KSR2: variants seen among roughly 807,000 people sequenced by gnomAD.
The protein encoded by KSR2 is kinase suppressor of ras 2.
Under a neutral mutation model 107.8 loss-of-function variants are expected in KSR2, and 25 were observed. That is an observed-to-expected ratio of 0.23 (90% CI 0.17 to 0.32). KSR2 has a LOEUF of 0.32. KSR2 is among the 10% of genes least tolerant of loss of function. KSR2 has a pLI of 1.00. For synonymous variants in KSR2, 480 were observed against 507.0 expected (o/e 0.95, Z 0.71); for missense variants, 887 against 1,268.9 (o/e 0.70, Z 4.57).
At chr12:117,657,446 T>G (rs146079395) in intron 5 of KSR2, among the ~76,000 whole-genome samples, 65 of 152,226 alleles carry the variant, frequency 4.3e-4, no homozygotes, top group Non-Finnish European at 7.6e-4. Flanking sequence ...AACACTTAGG[T>G]TGGGTTACCT....
At chr12:117,816,386 GCAGAGA>G (rs1891369695) in intron 3 of KSR2, among the ~76,000 whole-genome samples, 1 of 152,158 alleles carries the variant, frequency 6.6e-6, no homozygotes, top group Non-Finnish European at 1.5e-5. Flanking sequence ...CTATCATGGT[GCAGAGA>G]CAAACTATCC....
intron 12 of KSR2, 65 bp downstream of exon 12, chr12:117,530,876 G>T: frequency 1.5e-6 from 2 of 1,377,252 alleles, no homozygotes; most frequent in Non-Finnish European, 1.0e-6. Flanking sequence ...TAGGGAACCT[G>T]AGTGGATTGT....
chr12:117,886,975 ATGCAG>A (rs1296881689), intron 1 of KSR2, among the ~76,000 whole-genome samples: 1 of 152,132 alleles, frequency 6.6e-6, no homozygotes, highest in Non-Finnish European at 1.5e-5. Context: ...CAAGGCTGGA[ATGCAG>A]TGGTGTGATT....
intron 3 of KSR2, among the ~76,000 whole-genome samples, chr12:117,851,304 C>T (rs79253278): frequency 0.022 from 3,381 of 152,224 alleles, 129 homozygotes; most frequent in East Asian, 0.15. Flanking sequence ...AAAAGTGCTG[C>T]TTGACCAAGC....
rs143511527 is a variant in KSR2 at position 117,548,867 on chromosome 12, G to T, written c.1518+6302C>A. Among the ~76,000 whole-genome samples the T allele has an allele frequency of 1.6e-4, 24 of 152,274 alleles. No homozygotes were observed. The East Asian group carries it at 4.4e-3, about 28-fold the overall frequency. On this transcript the variant is annotated intron_variant, in intron 9 of 19. Coordinates refer to ENST00000339824, the MANE Select transcript of KSR2 (RefSeq NM_173598.6). Reference sequence around the variant, plus strand: ...CTATGATTGTGTAGACAAACAAATGGATACTGGCCCCATGGACAATTAACA... The same window carrying T: ...CTATGATTGTGTAGACAAACAAATGTATACTGGCCCCATGGACAATTAACA...
intron 1 of KSR2, among the ~76,000 whole-genome samples, chr12:117,873,703 C>T (rs1018339609): frequency 5.9e-5 from 9 of 152,084 alleles, no homozygotes; most frequent in Admixed American, 3.3e-4. Context: ...TCAAGTGATC[C>T]GCCTGCCTTG....
intron 1 of KSR2, among the ~76,000 whole-genome samples, chr12:117,929,884 T>C (rs186922335): frequency 1.3e-5 from 2 of 152,272 alleles, no homozygotes; most frequent in Non-Finnish European, 2.9e-5. Context: ...TCTTGTTTAA[T>C]GAGGACAGAG....
intron 1 of KSR2, chr12:117,890,918 T>C (rs1226433940): frequency 6.6e-6 from 1 of 152,164 alleles, no homozygotes. Flanking sequence ...CTGGATTCCC[T>C]TGCTGATGAG....
chr12:117,514,152 G>C (rs927943431), intron 14 of KSR2, among the ~76,000 whole-genome samples: 2 of 152,222 alleles, frequency 1.3e-5, no homozygotes, highest in African/African-American at 4.8e-5. Context: ...TATTTTTAAC[G>C]TTGGTAAATA....
intron 4 of KSR2, among the ~76,000 whole-genome samples, chr12:117,754,494 C>T (rs1311236981): frequency 1.3e-5 from 2 of 152,050 alleles, no homozygotes; most frequent in African/African-American, 4.8e-5. Flanking sequence ...AAAAATTAGC[C>T]AGGCGGCATG....
At chr12:117,519,665 G>T (rs1018720416) in intron 14 of KSR2, among the ~76,000 whole-genome samples, 5 of 152,146 alleles carry the variant, frequency 3.3e-5, no homozygotes, top group Non-Finnish European at 5.9e-5. Flanking sequence ...GTTTTGCAGG[G>T]AAAGATAGAG....
chr12:117,871,458 G>A (rs1012041808), intron 1 of KSR2, among the ~76,000 whole-genome samples: 3 of 151,958 alleles, frequency 2.0e-5, no homozygotes, highest in South Asian at 2.1e-4. Context: ...GTGTGGTGGC[G>A]TACACCTGTA....
At chr12:117,653,519 G>A (rs987760025) in intron 5 of KSR2, among the ~76,000 whole-genome samples, 4 of 152,228 alleles carry the variant, frequency 2.6e-5, no homozygotes, top group East Asian at 1.9e-4. Context: ...ATGACATTAT[G>A]TTGATTGGAT....
intron 9 of KSR2, among the ~76,000 whole-genome samples, chr12:117,542,836 G>T (rs1876602675): frequency 6.6e-6 from 1 of 152,186 alleles, no homozygotes; most frequent in Non-Finnish European, 1.5e-5. Flanking sequence ...TGTTTTATAA[G>T]TGGAATCATA....
At chr12:117,916,494 T>C (rs1895179436) in intron 1 of KSR2, among the ~76,000 whole-genome samples, 1 of 152,234 alleles carries the variant, frequency 6.6e-6, no homozygotes. Flanking sequence ...TATATGCACT[T>C]GCTGGATCAT....
chr12:117,941,097 A>G (rs1000283121), intron 1 of KSR2, among the ~76,000 whole-genome samples: 1 of 152,052 alleles, frequency 6.6e-6, no homozygotes, highest in African/African-American at 2.4e-5. Context: ...AAAAATAATA[A>G]TAATAATAAG....
At chr12:117,796,385 T>C (rs1021139336) in intron 3 of KSR2, among the ~76,000 whole-genome samples, 3 of 152,170 alleles carry the variant, frequency 2.0e-5, no homozygotes, top group African/African-American at 7.2e-5. Flanking sequence ...CTCAGGAAAT[T>C]ACATCCCAGG....
At chr12:117,632,416 C>T (rs188773509) in intron 5 of KSR2, among the ~76,000 whole-genome samples, 25 of 151,630 alleles carry the variant, frequency 1.6e-4, no homozygotes, top group Admixed American at 7.2e-4. Flanking sequence ...TTAGTAGAGA[C>T]GGGGTTTCAC....
intron 14 of KSR2, among the ~76,000 whole-genome samples, chr12:117,515,079 T>C (rs1211752828): frequency 6.6e-6 from 1 of 152,188 alleles, no homozygotes; most frequent in Admixed American, 6.5e-5. Flanking sequence ...CACGACACCG[T>C]TGGAGAATCA....
Sources: gnomAD v4.1 joint callset for allele counts (sites outside exome capture counted in the v4.1 genomes callset) on GRCh38, gnomAD v4.1.1 for gene constraint, MANE v1.5 for transcripts, NCBI Gene and HGNC (gene_info 2026-07-23, HGNC 2026-07-21) for gene names.